PALM2AKAP2: variants seen among roughly 807,000 people sequenced by gnomAD.
PALM2AKAP2 encodes PALM2 and AKAP2 fusion, also known as PALM2-AKAP2 fusion protein.
PALM2AKAP2 carries 37 observed loss-of-function variants against 71.5 expected under a neutral mutation model. That is an observed-to-expected ratio of 0.52 (90% confidence interval 0.40 to 0.68). The LOEUF (loss-of-function observed/expected upper bound fraction) is 0.68. Ranked by LOEUF, PALM2AKAP2 falls within the 30% of genes least tolerant of loss-of-function variation. The pLI, the probability that PALM2AKAP2 is intolerant of heterozygous loss-of-function variation, is 0.00. For synonymous variants in PALM2AKAP2, 468 were observed against 478.8 expected (o/e 0.98, Z 0.29); for missense variants, 1,224 against 1,191.8 (o/e 1.03, Z -0.40).
At chr9:110,001,366 G>A (rs1373750183) in intron 6 of PALM2AKAP2, among the ~76,000 whole-genome samples, 1 of 152,114 alleles carries the variant, frequency 6.6e-6, no homozygotes, top group East Asian at 1.9e-4. Context: ...CTGTTCCATT[G>A]GTCTATATCT....
intron 1 of PALM2AKAP2, among the ~76,000 whole-genome samples, chr9:109,794,210 T>C (rs1018830700): frequency 1.4e-4 from 22 of 152,230 alleles, no homozygotes; most frequent in African/African-American, 5.3e-4. Flanking sequence ...TGGAATTTTC[T>C]CATTATATCC....
At chr9:109,732,875 C>T (rs187879569) in intron 1 of PALM2AKAP2, among the ~76,000 whole-genome samples, 2 of 152,136 alleles carry the variant, frequency 1.3e-5, no homozygotes, top group Non-Finnish European at 2.9e-5. Flanking sequence ...GTGTTCCTGG[C>T]AGAGGTTGCT....
chr9:109,845,721 T>C (rs1828836515), intron 1 of PALM2AKAP2, among the ~76,000 whole-genome samples: 1 of 152,198 alleles, frequency 6.6e-6, no homozygotes, highest in African/African-American at 2.4e-5. Flanking sequence ...CATTTATTTG[T>C]TTATTTATTT....
At chr9:110,034,103 G>A (rs1833335059) in intron 7 of PALM2AKAP2, among the ~76,000 whole-genome samples, 1 of 152,152 alleles carries the variant, frequency 6.6e-6, no homozygotes, top group Non-Finnish European at 1.5e-5. Context: ...CAGTGCCAGG[G>A]CACCTCTTGC....
chr9:109,966,722 T>C (rs898871746), intron 6 of PALM2AKAP2, among the ~76,000 whole-genome samples: 1 of 152,268 alleles, frequency 6.6e-6, no homozygotes, highest in African/African-American at 2.4e-5. Context: ...TAAAATAATG[T>C]ACTTTCAAAA....
chr9:109,851,713 A>G (rs1324716381), intron 1 of PALM2AKAP2, among the ~76,000 whole-genome samples: 1 of 152,212 alleles, frequency 6.6e-6, no homozygotes, highest in African/African-American at 2.4e-5. Flanking sequence ...ATGGAGTATA[A>G]TCACACCAGT....
intron 3 of PALM2AKAP2, 108 bp downstream of exon 10, chr9:110,162,240 A>T (rs1836618504): frequency 8.7e-6 from 13 of 1,501,240 alleles, no homozygotes; most frequent in South Asian, 6.8e-5. Context: ...AAGAAAAATG[A>T]CTTGTCTCCA....
At chr9:110,122,071 C>G in intron 1 of PALM2AKAP2, among the ~76,000 whole-genome samples, 1 of 152,210 alleles carries the variant, frequency 6.6e-6, no homozygotes, top group African/African-American at 2.4e-5. Context: ...ACATTACAGA[C>G]ACTTCTTAAG....
At chr9:109,842,847 T>C (rs1017691128) in intron 1 of PALM2AKAP2, among the ~76,000 whole-genome samples, 10 of 151,762 alleles carry the variant, frequency 6.6e-5, no homozygotes, top group Non-Finnish European at 1.3e-4. Flanking sequence ...AGATTCCATC[T>C]CTACTAAAAA....
chr9:110,004,044 T>G (rs1245727944), intron 6 of PALM2AKAP2, among the ~76,000 whole-genome samples: 2 of 152,220 alleles, frequency 1.3e-5, no homozygotes, highest in Non-Finnish European at 2.9e-5. Context: ...AGGTTAATAT[T>G]GTTATGTATG....
intron 1 of PALM2AKAP2, among the ~76,000 whole-genome samples, chr9:109,720,789 GTTCACTCA>G (rs1828393796): frequency 6.6e-6 from 1 of 152,216 alleles, no homozygotes; most frequent in Admixed American, 6.5e-5. Context: ...CTGTGGATTT[GTTCACTCA>G]TTCACTCATT....
intron 6 of PALM2AKAP2, among the ~76,000 whole-genome samples, chr9:110,011,012 A>T (rs760322338): frequency 0.014 from 1,243 of 89,562 alleles, 5 homozygotes; most frequent in African/African-American, 0.03. Flanking sequence ...AAAAAAAAAA[A>T]AAATATATAT....
At chr9:110,136,829 G>C in exon 2 of PALM2AKAP2, 1 of 1,614,162 alleles carries the variant, frequency 6.2e-7, no homozygotes, top group Non-Finnish European at 8.5e-7. Context: ...TGAGGATGAC[G>C]AGCATGAGAA....
chr9:109,744,402 AAG>A (rs1296883064), intron 1 of PALM2AKAP2, among the ~76,000 whole-genome samples: 1 of 152,208 alleles, frequency 6.6e-6, no homozygotes, highest in Non-Finnish European at 1.5e-5. Flanking sequence ...TTTTATGACA[AAG>A]AGAAAGAAAA....
rs370832691 is a variant in PALM2AKAP2 at position 110,142,317 on chromosome 9, G to C, written c.2569+3778G>C. Among the ~76,000 whole-genome samples, 26 of 152,116 alleles carry C rather than the reference G, an allele frequency of 1.7e-4. No individual in the cohort carries two copies. The South Asian group carries it at 5.0e-3, about 29-fold the overall frequency. On this transcript the variant is annotated intron_variant, in intron 2 of 3. Transcript: ENST00000374525. ...TTGGCCAGGCTGGTCTCCAACTCCTGATCCGCCTCAGGTGATCCGCCCGCC... is the reference window on the plus strand; with the variant it reads ...TTGGCCAGGCTGGTCTCCAACTCCTCATCCGCCTCAGGTGATCCGCCCGCC...
chr9:109,802,900 G>C (rs556390590), intron 1 of PALM2AKAP2, among the ~76,000 whole-genome samples: 111 of 152,290 alleles, frequency 7.3e-4, no homozygotes, highest in Non-Finnish European at 1.3e-3. Context: ...GCAAAAGCAG[G>C]TATCTCAGTG....
At chr9:109,881,003 C>T (rs1435818342) in intron 3 of PALM2AKAP2, among the ~76,000 whole-genome samples, 1 of 152,052 alleles carries the variant, frequency 6.6e-6, no homozygotes, top group Admixed American at 6.6e-5. Context: ...GCCTAGTACC[C>T]GTTAGTTATT....
chr9:109,809,510 A>G (rs1442663256), intron 1 of PALM2AKAP2, among the ~76,000 whole-genome samples: 2 of 152,204 alleles, frequency 1.3e-5, no homozygotes, highest in African/African-American at 4.8e-5. Flanking sequence ...CCCCCATTGT[A>G]TCTAGGAAAT....
At chr9:110,015,825 G>T (rs901648208) in intron 6 of PALM2AKAP2, 129 bp from the exon 7 acceptor site, 34 of 808,588 alleles carry the variant, frequency 4.2e-5, no homozygotes, top group Middle Eastern at 2.2e-4. Context: ...TGCAAGATAG[G>T]TATAGAGCTA....
Sources: allele counts gnomAD v4.1 joint callset (sites outside exome capture counted in the v4.1 genomes callset), GRCh38; gene constraint gnomAD v4.1.1; transcripts MANE v1.5; gene names NCBI Gene and HGNC (gene_info 2026-07-23, HGNC 2026-07-21).